CAMKMT: variants seen among roughly 807,000 people sequenced by gnomAD.
The protein encoded by CAMKMT is calmodulin-lysine N-methyltransferase, also known as CaM KMT.
A neutral mutation model predicts 48.0 loss-of-function variants in CAMKMT; 53 were observed. The observed-to-expected ratio is 1.10, with a 90% CI of 0.89 to 1.39. The LOEUF (loss-of-function observed/expected upper bound fraction) is 1.39, where lower values mean the gene tolerates loss of function less well. Ranked by LOEUF, CAMKMT falls within the 40% of genes most tolerant of loss-of-function variation. The probability of loss-of-function intolerance (pLI) is 0.00; values close to 1 mark genes in which losing one functional copy is unlikely to be tolerated. For synonymous variants in CAMKMT, 165 were observed against 152.3 expected (o/e 1.08, Z -0.61); for missense variants, 428 against 402.7 (o/e 1.06, Z -0.54).
At chr2:44,407,434 C>T (rs1682861795) in intron 3 of CAMKMT, among the ~76,000 whole-genome samples, 1 of 152,116 alleles carries the variant, frequency 6.6e-6, no homozygotes, top group Non-Finnish European at 1.5e-5. Context: ...TACACTTTTG[C>T]TTTGTATTAG....
chr2:44,400,053 T>A (rs934494779), intron 3 of CAMKMT, among the ~76,000 whole-genome samples: 2 of 152,210 alleles, frequency 1.3e-5, no homozygotes, highest in African/African-American at 2.4e-5. Flanking sequence ...CTGACCCAAG[T>A]GGTATTCAGT....
intron 3 of CAMKMT, among the ~76,000 whole-genome samples, chr2:44,596,078 A>G (rs937917686): frequency 1.3e-5 from 2 of 151,948 alleles, no homozygotes; most frequent in Non-Finnish European, 2.9e-5. Context: ...TGGCACGTAT[A>G]TACCTATGTA....
chr2:44,602,810 C>T (rs1291442056), intron 3 of CAMKMT, among the ~76,000 whole-genome samples: 1 of 152,044 alleles, frequency 6.6e-6, no homozygotes, highest in Non-Finnish European at 1.5e-5. Flanking sequence ...GACCTCCCAC[C>T]AGGTCCCTCC....
intron 7 of CAMKMT, among the ~76,000 whole-genome samples, chr2:44,726,454 T>C (rs1678791997): frequency 6.6e-6 from 1 of 152,210 alleles, no homozygotes; most frequent in Admixed American, 6.6e-5. Flanking sequence ...TTCACGTCCT[T>C]TGCCCTTTTT....
chr2:44,767,359 G>A (rs945619884), intron 10 of CAMKMT, among the ~76,000 whole-genome samples: 7 of 152,276 alleles, frequency 4.6e-5, no homozygotes, highest in Admixed American at 3.9e-4. Flanking sequence ...GATTTCACAA[G>A]TTGTAACTGC....
chr2:44,616,874 A>G (rs1671922412), intron 3 of CAMKMT, among the ~76,000 whole-genome samples: 1 of 152,226 alleles, frequency 6.6e-6, no homozygotes, highest in African/African-American at 2.4e-5. Flanking sequence ...CATTTCAAAT[A>G]GAAACCAGAA....
intron 3 of CAMKMT, among the ~76,000 whole-genome samples, chr2:44,442,637 C>T (rs2054408): frequency 0.046 from 6,969 of 152,284 alleles, 415 homozygotes; most frequent in East Asian, 0.31. Flanking sequence ...TGACCGACTT[C>T]TACTGATGTT....
Position 44,471,837 on chromosome 2 carries a change from C to T in CAMKMT, c.376+81532C>T, listed in dbSNP as rs970772549. On this transcript the variant is annotated intron_variant, in intron 3 of 10. Transcript: ENST00000378494. ...CTGAGATTAGAGGTGTGCACCACCACGCCTGGGTAATTTTTGTATTTTTAG... is the reference window on the plus strand; with the variant it reads ...CTGAGATTAGAGGTGTGCACCACCATGCCTGGGTAATTTTTGTATTTTTAG... 3.3e-5 allele frequency among the ~76,000 whole-genome samples: 5 copies of T among 152,024 alleles called. No individual in the cohort carries two copies. In the East Asian group the frequency reaches 7.7e-4, roughly 24 times the overall value.
intron 4 of CAMKMT, chr2:44,705,463 G>A: frequency 1.0e-6 from 1 of 985,394 alleles, no homozygotes; most frequent in Non-Finnish European, 1.2e-6. Flanking sequence ...CTTGACTGGA[G>A]CTCCAATCAG....
chr2:44,701,967 G>A (rs183109020), intron 3 of CAMKMT, among the ~76,000 whole-genome samples: 13 of 151,758 alleles, frequency 8.6e-5, no homozygotes, highest in Admixed American at 4.6e-4. Context: ...CATTTTACGT[G>A]ATTTTTTTTT....
intron 2 of CAMKMT, among the ~76,000 whole-genome samples, chr2:44,386,995 T>C (rs1572712964): frequency 1.3e-5 from 2 of 152,288 alleles, no homozygotes; most frequent in Admixed American, 1.3e-4. Flanking sequence ...ATTCTGCAGT[T>C]GTTGGACAAA....
chr2:44,391,067 T>C (rs1463462550), intron 3 of CAMKMT, among the ~76,000 whole-genome samples: 3 of 152,188 alleles, frequency 2.0e-5, no homozygotes. Flanking sequence ...AATGTAAAAA[T>C]AGTACTCATA....
intron 8 of CAMKMT, among the ~76,000 whole-genome samples, chr2:44,747,380 A>G (rs1322045690): frequency 1.3e-5 from 2 of 152,166 alleles, no homozygotes; most frequent in Non-Finnish European, 2.9e-5. Flanking sequence ...ATCACAACTC[A>G]CGGAAGTTTA....
intron 3 of CAMKMT, among the ~76,000 whole-genome samples, chr2:44,400,465 G>A (rs1350680308): frequency 6.6e-6 from 1 of 152,120 alleles, no homozygotes; most frequent in Non-Finnish European, 1.5e-5. Context: ...TGGACATTCA[G>A]ATTTGCAATC....
intron 7 of CAMKMT, among the ~76,000 whole-genome samples, chr2:44,731,215 C>T (rs1679062594): frequency 6.6e-6 from 1 of 152,114 alleles, no homozygotes; most frequent in African/African-American, 2.4e-5. Context: ...GTAGCACATG[C>T]CTGTAATTTC....
intron 3 of CAMKMT, among the ~76,000 whole-genome samples, chr2:44,669,800 G>C (rs1385802576): frequency 1.3e-5 from 2 of 151,946 alleles, no homozygotes; most frequent in Non-Finnish European, 2.9e-5. Flanking sequence ...ACCACATCTG[G>C]CTAATTTTTG....
In CAMKMT at chr2:44,707,385, C is replaced by CA; in HGVS notation, c.493-14_493-13insA. ...ATTTGCTCATTGTTTGCTGTGCTCC[C>CA]TTTTTTTTTTCAGGTTGCTATTTCT... On this transcript the variant is annotated splice_polypyrimidine_tract_variant and intron_variant, in intron 5 of 10. Coordinates refer to ENST00000378494, the MANE Select transcript of CAMKMT (RefSeq NM_024766.5). The CA allele has an allele frequency of 7.2e-7, 1 of 1,380,394 alleles. No homozygotes were observed. Among genetic ancestry groups the CA allele is most frequent in the South Asian group, 1.3e-5 (1 of 78,064 alleles). 85.5% of individuals were successfully genotyped at this position (1,380,394 alleles called of 1,614,324 possible).
chr2:44,498,141 A>G (rs986924164), intron 3 of CAMKMT, among the ~76,000 whole-genome samples: 3 of 152,172 alleles, frequency 2.0e-5, no homozygotes, highest in African/African-American at 7.2e-5. Context: ...AGAGAGATCC[A>G]TCATAGCACC....
At chr2:44,702,593 C>T (rs1476636532) in intron 3 of CAMKMT, among the ~76,000 whole-genome samples, 1 of 152,166 alleles carries the variant, frequency 6.6e-6, no homozygotes, top group Admixed American at 6.5e-5. Flanking sequence ...AGGGGAATGG[C>T]AGAGCTGGCA....
Sources: gnomAD v4.1 joint callset for allele counts (sites outside exome capture counted in the v4.1 genomes callset) on GRCh38, gnomAD v4.1.1 for gene constraint, MANE v1.5 for transcripts, NCBI Gene and HGNC (gene_info 2026-07-23, HGNC 2026-07-21) for gene names.